The following ASAP2 variants were observed in gnomAD, a reference collection of about 807,000 sequenced individuals.
ASAP2 encodes ArfGAP with SH3 domain, ankyrin repeat and PH domain 2.
ASAP2 carries 45 observed loss-of-function variants against 131.4 expected under a neutral mutation model. The ratio of observed to expected loss-of-function variants is 0.34; its 90% confidence interval spans 0.27 to 0.44. The LOEUF (loss-of-function observed/expected upper bound fraction) is 0.44. ASAP2 is among the 20% of genes least tolerant of loss of function. The pLI is 1.00. For missense variants in ASAP2, 1,011 were observed against 1,297.0 expected, an observed-to-expected ratio of 0.78 and a Z score of 3.39; for synonymous variants, 510 against 503.0, an observed-to-expected ratio of 1.01 and a Z score of -0.19.
chr2:9,209,613 A>G (rs1457172247), intron 1 of ASAP2, among the ~76,000 whole-genome samples: 1 of 152,262 alleles, frequency 6.6e-6, no homozygotes, highest in Non-Finnish European at 1.5e-5. Flanking sequence ...CTTGTTGCCC[A>G]GGCTGGAGTG....
intron 4 of ASAP2, among the ~76,000 whole-genome samples, chr2:9,319,434 A>G (rs768073003): frequency 1.3e-5 from 2 of 152,182 alleles, no homozygotes; most frequent in African/African-American, 2.4e-5. Context: ...CACATTCCCC[A>G]TCGAGCCTTC....
At chr2:9,269,766 A>C (rs1666210171) in intron 1 of ASAP2, among the ~76,000 whole-genome samples, 1 of 151,948 alleles carries the variant, frequency 6.6e-6, no homozygotes, top group Non-Finnish European at 1.5e-5. Flanking sequence ...AATTTGAATG[A>C]ATCTTTATAG....
At position 9,217,841 on chromosome 2, in the gene ASAP2, C is replaced by T. The variant is rs1205155012; in HGVS notation, c.126+10611C>T. Among the ~76,000 whole-genome samples the T allele has an allele frequency of 6.6e-6, 1 of 151,384 alleles. No homozygotes were observed. The highest frequency in any genetic ancestry group is 1.5e-5 in the Non-Finnish European group (1 of 67,948). On this transcript the variant is annotated intron_variant, in intron 1 of 27. Coordinates refer to ENST00000281419, the MANE Select transcript of ASAP2 (RefSeq NM_003887.3). This position sits in a 1 kb window ranked among gnomAD's most constrained non-coding sequence, Gnocchi z 4.0. ...GTGTTAGCCAGGATGGTCTTGATCT[C>T]CTGACCTCGTGAGGCACCCACCTCG...
Position 9,389,271 on chromosome 2 carries a change from C to T in ASAP2, c.2383+725C>T, listed in dbSNP as rs1026181489. Among the ~76,000 whole-genome samples the T allele has an allele frequency of 6.6e-6, 1 of 152,206 alleles. No individual in the cohort carries two copies. Among genetic ancestry groups the T allele is most frequent in the Non-Finnish European group, 1.5e-5 (1 of 68,034 alleles). On this transcript the variant is annotated intron_variant, in intron 22 of 27. Transcript: ENST00000281419. This position sits in a 1 kb window ranked among gnomAD's most constrained non-coding sequence, Gnocchi z 4.7. ...GCTCTGGGCTGAGCTCCAGTCGTGG[C>T]CATGGCCTTCAGAGGGTTTCCCACA...
chr2:9,331,581 A>G (rs1329158868), intron 7 of ASAP2, among the ~76,000 whole-genome samples: 1 of 152,142 alleles, frequency 6.6e-6, no homozygotes, highest in Non-Finnish European at 1.5e-5. Flanking sequence ...CAGCCTGGCC[A>G]ACATGGTGAA....
At chr2:9,322,997 T>C in intron 5 of ASAP2, 124 bp from the exon 6 acceptor site, 1 of 1,175,762 alleles carries the variant, frequency 8.5e-7, no homozygotes, top group Non-Finnish European at 1.2e-6. Flanking sequence ...GTTGAGAGGC[T>C]GCCTGTGCTG....
At chr2:9,300,764 C>A (rs1668426323) in intron 3 of ASAP2, among the ~76,000 whole-genome samples, 1 of 152,218 alleles carries the variant, frequency 6.6e-6, no homozygotes, top group South Asian at 2.1e-4. Flanking sequence ...TATTAACACT[C>A]CAAACCCAAG....
chr2:9,400,035 C>T lies in ASAP2; in HGVS notation c.2697C>T (p.Ser899=), dbSNP rs1320261969. ...QKKPAPGADK[S]TPLTNKGQPR... ...CCTGTCTTTGTAGGGCTGACAAGTC[C>T]ACCCCACTGACCAACAAAGGCCAAC... Residue 899 remains serine (S), a synonymous_variant, in exon 25 of 28, where the codon TCC becomes TCT. Coordinates refer to ENST00000281419, the MANE Select transcript of ASAP2 (RefSeq NM_003887.3). The T allele has an allele frequency of 8.7e-6, 14 of 1,613,288 alleles. No homozygotes were observed. Among genetic ancestry groups the T allele is most frequent in the African/African-American group, 1.3e-5 (1 of 74,822 alleles).
At chr2:9,400,865 C>T (rs769795113) in intron 26 of ASAP2, 35 bp downstream of exon 26, 1 of 1,590,290 alleles carries the variant, frequency 6.3e-7, no homozygotes, top group South Asian at 1.1e-5. Context: ...CCTCTCTGCT[C>T]TAGCCAGGGG....
At chr2:9,358,957 T>C (rs1315895644) in intron 15 of ASAP2, 68 bp downstream of exon 15, 1 of 1,532,890 alleles carries the variant, frequency 6.5e-7, no homozygotes, top group Non-Finnish European at 8.8e-7. Context: ...ACTTTTGGCA[T>C]TCTAATCCAT....
At chr2:9,317,734 TCA>T (rs1229818808) in intron 3 of ASAP2, among the ~76,000 whole-genome samples, 2 of 148,806 alleles carry the variant, frequency 1.3e-5, no homozygotes, top group South Asian at 2.2e-4. Flanking sequence ...ACATTCACAC[TCA>T]CATCCACACT....
chr2:9,349,100 T>C (rs1338783068), intron 11 of ASAP2, among the ~76,000 whole-genome samples: 2 of 152,204 alleles, frequency 1.3e-5, no homozygotes, highest in African/African-American at 4.8e-5. Context: ...GAAAATTAAA[T>C]GAATTATTTC....
chr2:9,344,569 A>C lies in ASAP2; in HGVS notation c.887A>C (p.His296Pro), dbSNP rs779611839. 6.2e-7 allele frequency: 1 copy of C among 1,614,172 alleles called. No homozygotes were observed. The highest frequency in any genetic ancestry group is 8.5e-7 in the Non-Finnish European group (1 of 1,180,010). The change falls in exon 10 of 28, where the codon CAT becomes CCT. Residue 296 changes from histidine (H) to proline (P), a missense_variant. Physicochemically the swap from His to Pro is moderately conservative, Grantham distance 77 (BLOSUM62 -2). Coordinates refer to ENST00000281419, the MANE Select transcript of ASAP2 (RefSeq NM_003887.3). ...CGTCAGAGCACAGCTTATAGCTTACATCAGCCTCAGGGAAACAAGGAACAT... is the reference window on the plus strand; with the variant it reads ...CGTCAGAGCACAGCTTATAGCTTACCTCAGCCTCAGGGAAACAAGGAACAT... ...QIRQSTAYSL[H>P]QPQGNKEHGT...
At chr2:9,372,063 G>T (rs769801866) in intron 16 of ASAP2, among the ~76,000 whole-genome samples, 7 of 152,178 alleles carry the variant, frequency 4.6e-5, no homozygotes, top group Admixed American at 3.3e-4. Context: ...CCAAGCCCTG[G>T]GCAGATGAGT....
chr2:9,301,820 C>CTTT lies in ASAP2; in HGVS notation c.345+4394_345+4396dup, dbSNP rs1177064910. ...ACCAAGCAACGTGTGTATCCATCAT[C>CTTT]TTTTTTTTTTTTTTTTTTTTTGAGA... On this transcript the variant is annotated intron_variant, in intron 3 of 27. Transcript: ENST00000281419. 6.9e-3 allele frequency among the ~76,000 whole-genome samples: 800 copies of CTTT among 115,346 alleles called. 32 individuals carry two copies. Among genetic ancestry groups the CTTT allele is most frequent in the African/African-American group, 0.014 (391 of 28,392 alleles). 75.7% of individuals were successfully genotyped at this position (115,346 alleles called of 152,430 possible). A position where few individuals can be genotyped will look rare whatever the true frequency, so the allele number is the denominator to read the frequency against.
intron 24 of ASAP2, chr2:9,398,725 C>G (rs1295188898): frequency 6.6e-6 from 1 of 151,532 alleles, no homozygotes; most frequent in Non-Finnish European, 1.5e-5. Flanking sequence ...AGGAGAATTG[C>G]TTGAACCCGG....
chr2:9,237,156 G>A (rs1267051982), intron 1 of ASAP2, among the ~76,000 whole-genome samples: 1 of 151,566 alleles, frequency 6.6e-6, no homozygotes, highest in Non-Finnish European at 1.5e-5. Context: ...GTGAGTGGAA[G>A]CTTTTTTAAA....
chr2:9,271,894 CT>C lies in ASAP2; in HGVS notation c.127-7417del, dbSNP rs1380659233. Among the ~76,000 whole-genome samples the C allele has an allele frequency of 2.6e-5, 4 of 152,084 alleles. No homozygotes were observed. In the East Asian group the frequency reaches 5.8e-4, roughly 22 times the overall value. ...TCATTGCAGCTGACAGGATCTCATT[CT>C]TTTTTATGGCTGAATAGTACTCCAT... On this transcript the variant is annotated intron_variant, in intron 1 of 27. Transcript: ENST00000281419.
At position 9,323,160 on chromosome 2, in the gene ASAP2, C is replaced by T. The variant is rs778951366; in HGVS notation, c.510C>T (p.Leu170=). 3.1e-6 allele frequency: 5 copies of T among 1,614,102 alleles called. No individual in the cohort carries two copies. The change falls in exon 6 of 28, where the codon CTC becomes CTT. Residue 170 remains leucine (L), a synonymous_variant. Coordinates refer to ENST00000281419, the MANE Select transcript of ASAP2 (RefSeq NM_003887.3). The part of the protein sequence containing the change: ...IEKEKKEHAK[L]HGMIRTEISG... ...AGGAGAAAAAGGAACACGCCAAGCTCCATGGGATGATTCGGACTGAAATAA... is the reference window on the plus strand; with the variant it reads ...AGGAGAAAAAGGAACACGCCAAGCTTCATGGGATGATTCGGACTGAAATAA...
Sources: allele counts gnomAD v4.1 joint callset (sites outside exome capture counted in the v4.1 genomes callset), GRCh38; gene constraint gnomAD v4.1.1; non-coding constraint Gnocchi (gnomAD v3.1); transcripts MANE v1.5; gene names NCBI Gene and HGNC (gene_info 2026-07-23, HGNC 2026-07-21).